The following PPP3R1 variants were observed in gnomAD, a reference collection of about 807,000 sequenced individuals.
The protein encoded by PPP3R1 is protein phosphatase 3 regulatory subunit B, alpha, also known as calcineurin subunit B type 1.
In PPP3R1, 5 loss-of-function variants were observed where a neutral mutation model predicts 22.6. The observed-to-expected ratio is 0.22, with a 90% CI of 0.12 to 0.46. The LOEUF is 0.46. PPP3R1 is among the 20% of genes least tolerant of loss of function. PPP3R1 has a pLI of 0.99. For missense variants in PPP3R1, 61 were observed against 203.2 expected, an observed-to-expected ratio of 0.30 and a Z score of 4.25; for synonymous variants, 56 against 65.2, an observed-to-expected ratio of 0.86 and a Z score of 0.68.
At chr2:68,211,163 T>C (rs1224836096) in intron 2 of PPP3R1, among the ~76,000 whole-genome samples, 2 of 152,066 alleles carry the variant, frequency 1.3e-5, no homozygotes, top group East Asian at 3.9e-4. Context: ...TCCCAGCACT[T>C]TGGGAGGCCG....
At chr2:68,249,870 C>T (rs1670309461) in intron 1 of PPP3R1, among the ~76,000 whole-genome samples, 1 of 152,114 alleles carries the variant, frequency 6.6e-6, no homozygotes, top group South Asian at 2.1e-4. Flanking sequence ...ACTGTAAATG[C>T]TGTTGACAGA....
intron 1 of PPP3R1, among the ~76,000 whole-genome samples, chr2:68,236,626 AAGCCAGATAC>A (rs1420284692): frequency 6.6e-6 from 1 of 152,170 alleles, no homozygotes; most frequent in Non-Finnish European, 1.5e-5. Flanking sequence ...ATAACATCAG[AAGCCAGATAC>A]AGCTTTTACT....
intron 2 of PPP3R1, among the ~76,000 whole-genome samples, chr2:68,208,704 G>A (rs1049832538): frequency 2.6e-5 from 4 of 152,104 alleles, no homozygotes; most frequent in African/African-American, 9.7e-5. Context: ...GGAGGCCAAG[G>A]AAGGTGGACT....
intron 2 of PPP3R1, among the ~76,000 whole-genome samples, chr2:68,216,876 TAAAG>T (rs1669588826): frequency 6.6e-6 from 1 of 152,024 alleles, no homozygotes; most frequent in African/African-American, 2.4e-5. Context: ...ATATGAGTAA[TAAAG>T]AAGTCTATTT....
intron 2 of PPP3R1, among the ~76,000 whole-genome samples, chr2:68,205,313 G>C (rs1265149452): frequency 2.8e-5 from 4 of 143,518 alleles, no homozygotes. Context: ...CGCAATCTCA[G>C]CTCACTGCCA....
chr2:68,188,557 T>G lies in PPP3R1; in HGVS notation c.177A>C (p.Ile59=). ...CATTCCCATCTGTGTCGAATATATCTATTACTCGCTGTACTAAAGGATTCT... is the reference window on the plus strand; with the variant it reads ...CATTCCCATCTGTGTCGAATATATCGATTACTCGCTGTACTAAAGGATTCT... The part of the protein sequence containing the change: ...LQQNPLVQRV[I]DIFDTDGNGE... Residue 59 remains isoleucine, a synonymous_variant, in exon 3 of 6, where the codon ATA becomes ATC. Transcript: ENST00000234310. 6.2e-7 allele frequency: 1 copy of G among 1,612,180 alleles called. No homozygotes were observed.
chr2:68,207,481 T>TA (rs1362490143), intron 2 of PPP3R1, among the ~76,000 whole-genome samples: 1 of 152,128 alleles, frequency 6.6e-6, no homozygotes, highest in Non-Finnish European at 1.5e-5. Context: ...ACCACACAAA[T>TA]AAAAAACCAT....
chr2:68,198,062 CAAAAAAA>C (rs199824687), intron 2 of PPP3R1, among the ~76,000 whole-genome samples: 826 of 41,910 alleles, frequency 0.02, 11 homozygotes, highest in African/African-American at 0.063. Flanking sequence ...GCACCTTTGG[CAAAAAAA>C]AAAAAAAAAA....
intron 2 of PPP3R1, among the ~76,000 whole-genome samples, chr2:68,202,017 AAG>A (rs1380259840): frequency 3.9e-5 from 6 of 152,340 alleles, no homozygotes; most frequent in South Asian, 2.1e-4. Context: ...TTTTTCAAGA[AAG>A]AGAAATTTCT....
intron 1 of PPP3R1, among the ~76,000 whole-genome samples, chr2:68,235,736 G>C (rs182317044): frequency 6.6e-6 from 1 of 152,062 alleles, no homozygotes; most frequent in Admixed American, 6.5e-5. Flanking sequence ...GGAATTACTA[G>C]GTCATATGGT....
At chr2:68,183,840 TG>T (rs2103714922) in intron 5 of PPP3R1, among the ~76,000 whole-genome samples, 1 of 152,314 alleles carries the variant, frequency 6.6e-6, no homozygotes, top group East Asian at 1.9e-4. Context: ...GAAAGGGCAC[TG>T]GAACTCTGGG....
chr2:68,251,297 G>A (rs754923729), intron 1 of PPP3R1: 2 of 151,942 alleles, frequency 1.3e-5, no homozygotes, highest in Non-Finnish European at 2.9e-5. Context: ...TTAATGTGAG[G>A]GTAAGGAAAG....
chr2:68,198,062 CAAAAAAAA>C (rs199824687), intron 2 of PPP3R1, among the ~76,000 whole-genome samples: 4,516 of 41,700 alleles, frequency 0.11, 78 homozygotes, highest in Middle Eastern at 0.25. Context: ...GCACCTTTGG[CAAAAAAAA>C]AAAAAAAAAA....
At chr2:68,223,122 G>A (rs1354158169) in intron 1 of PPP3R1, among the ~76,000 whole-genome samples, 2 of 152,260 alleles carry the variant, frequency 1.3e-5, no homozygotes, top group East Asian at 1.9e-4. Context: ...ATGGCCGGGC[G>A]CGGTGGCTCA....
intron 2 of PPP3R1, among the ~76,000 whole-genome samples, chr2:68,215,699 C>G (rs1669566136): frequency 6.6e-6 from 1 of 152,106 alleles, no homozygotes. Context: ...ACATGAAACT[C>G]TGGTTTCCAC....
At chr2:68,235,796 C>T (rs1446578157) in intron 1 of PPP3R1, among the ~76,000 whole-genome samples, 2 of 152,172 alleles carry the variant, frequency 1.3e-5, no homozygotes, top group Non-Finnish European at 2.9e-5. Flanking sequence ...CAGTTATAAA[C>T]ATTTACATTC....
chr2:68,190,283 G>T (rs1025399088), intron 2 of PPP3R1, among the ~76,000 whole-genome samples: 3 of 133,606 alleles, frequency 2.2e-5, no homozygotes, highest in East Asian at 2.1e-4. Flanking sequence ...AAAAAAAAAA[G>T]GCCGGGTGCA....
At chr2:68,184,350 A>T (rs1165610638) in intron 5 of PPP3R1, among the ~76,000 whole-genome samples, 1 of 152,230 alleles carries the variant, frequency 6.6e-6, no homozygotes, top group East Asian at 1.9e-4. Context: ...TCATTCTGCT[A>T]GGTTAGTTAA....
intron 1 of PPP3R1, among the ~76,000 whole-genome samples, chr2:68,246,161 GC>G (rs1670233965): frequency 7.9e-6 from 1 of 125,880 alleles, no homozygotes; most frequent in Admixed American, 1.0e-4. Context: ...TGCAACCTCC[GC>G]CTCCCGGGTT....
Sources: allele counts gnomAD v4.1 joint callset (sites outside exome capture counted in the v4.1 genomes callset), GRCh38; gene constraint gnomAD v4.1.1; transcripts MANE v1.5; gene names NCBI Gene and HGNC (gene_info 2026-07-23, HGNC 2026-07-21).